TECRL: variants seen among roughly 807,000 people sequenced by gnomAD.
TECRL encodes trans-2,3-enoyl-CoA reductase like.
Under a neutral mutation model 52.8 loss-of-function variants are expected in TECRL, and 63 were observed. The observed-to-expected ratio is 1.19, with a 90% CI of 0.97 to 1.47. The LOEUF (loss-of-function observed/expected upper bound fraction) is 1.47, where lower values mean the gene tolerates loss of function less well. Among genes scored for constraint, TECRL ranks in the 40% most tolerant of loss-of-function variants. The pLI, the probability that TECRL is intolerant of heterozygous loss-of-function variation, is 0.00. For missense variants in TECRL, 482 were observed against 429.6 expected (o/e 1.12, Z -1.08); for synonymous variants, 164 against 141.9 (o/e 1.16, Z -1.10).
At chr4:64,324,678 T>C (rs1371529202) in intron 3 of TECRL, among the ~76,000 whole-genome samples, 1 of 152,128 alleles carries the variant, frequency 6.6e-6, no homozygotes, top group Non-Finnish European at 1.5e-5. Context: ...GTCATGTTAA[T>C]GTATATGGTT....
At chr4:64,408,942 C>T (rs1724910917) in intron 1 of TECRL, among the ~76,000 whole-genome samples, 176 bp downstream of exon 1, 1 of 152,044 alleles carries the variant, frequency 6.6e-6, no homozygotes, top group Non-Finnish European at 1.5e-5. Context: ...ATGCATTGAA[C>T]ATCTTCTATT....
intron 1 of TECRL, among the ~76,000 whole-genome samples, chr4:64,407,410 CTG>C (rs1012099907): frequency 3.3e-5 from 5 of 151,634 alleles, no homozygotes; most frequent in Non-Finnish European, 7.4e-5. Context: ...ATAAAAATCC[CTG>C]TCTTACCTTC....
chr4:64,406,920 T>G (rs1664948990), intron 1 of TECRL, among the ~76,000 whole-genome samples: 1 of 151,966 alleles, frequency 6.6e-6, no homozygotes, highest in Non-Finnish European at 1.5e-5. Flanking sequence ...AGTTGTTAAT[T>G]TGTCTAAGAA....
At chr4:64,344,163 A>G (rs1719782886) in intron 2 of TECRL, among the ~76,000 whole-genome samples, 1 of 151,872 alleles carries the variant, frequency 6.6e-6, no homozygotes, top group African/African-American at 2.4e-5. Context: ...ACTCATATAT[A>G]TATATACTCA....
At chr4:64,406,462 A>G (rs1211765744) in intron 1 of TECRL, among the ~76,000 whole-genome samples, 1 of 151,902 alleles carries the variant, frequency 6.6e-6, no homozygotes, top group Non-Finnish European at 1.5e-5. Flanking sequence ...GCAAGTTATC[A>G]AAAGGCTCAG....
chr4:64,405,243 C>A (rs2109792759), intron 1 of TECRL, among the ~76,000 whole-genome samples: 1 of 152,132 alleles, frequency 6.6e-6, no homozygotes, highest in Non-Finnish European at 1.5e-5. Flanking sequence ...TTTTGAGGAG[C>A]AAATGATATT....
intron 1 of TECRL, among the ~76,000 whole-genome samples, chr4:64,395,017 A>T (rs1723832910): frequency 6.8e-6 from 1 of 146,556 alleles, no homozygotes. Context: ...GGTTCAAATG[A>T]TTCTTCTGCC....
intron 2 of TECRL, among the ~76,000 whole-genome samples, chr4:64,345,106 G>T (rs982275378): frequency 6.6e-6 from 1 of 152,196 alleles, no homozygotes; most frequent in African/African-American, 2.4e-5. Context: ...TACACTGTTG[G>T]TGGGACTGTA....
chr4:64,354,425 ATC>A (rs1720616642), intron 2 of TECRL, among the ~76,000 whole-genome samples: 1 of 152,170 alleles, frequency 6.6e-6, no homozygotes, highest in African/African-American at 2.4e-5. Flanking sequence ...TAGGAGACAA[ATC>A]TCTCTTTTAC....
intron 9 of TECRL, among the ~76,000 whole-genome samples, chr4:64,284,688 C>G (rs1231770617): frequency 6.6e-6 from 1 of 151,982 alleles, no homozygotes; most frequent in African/African-American, 2.4e-5. Context: ...GAGGCTTGAC[C>G]CACAGAAAGT....
chr4:64,311,909 A>G (rs1269869708), intron 5 of TECRL, among the ~76,000 whole-genome samples: 1 of 152,162 alleles, frequency 6.6e-6, no homozygotes. Flanking sequence ...CACAGCACAG[A>G]AAAGCACAGC....
intron 2 of TECRL, among the ~76,000 whole-genome samples, chr4:64,373,185 G>A (rs1722105352): frequency 6.6e-6 from 1 of 151,492 alleles, no homozygotes; most frequent in South Asian, 2.1e-4. Flanking sequence ...TGATATATGG[G>A]AAAATGCTGA....
rs78574916 is a variant in TECRL at position 64,355,340 on chromosome 4, G to T, written c.286+19832C>A. 4.1e-3 allele frequency among the ~76,000 whole-genome samples: 617 copies of T among 151,774 alleles called. 2 individuals carry two copies. The highest frequency in any genetic ancestry group is 6.9e-3 in the Non-Finnish European group (467 of 67,950). ...TGTACATTTCACCCTAAAAACATTCGGTCAACATGAAGATGTTGCTATGGA... is the reference window on the plus strand; with the variant it reads ...TGTACATTTCACCCTAAAAACATTCTGTCAACATGAAGATGTTGCTATGGA... On this transcript the variant is annotated intron_variant, in intron 2 of 11. Coordinates refer to ENST00000381210, the MANE Select transcript of TECRL (RefSeq NM_001010874.5).
At chr4:64,353,801 T>TA (rs67050982) in intron 2 of TECRL, among the ~76,000 whole-genome samples, 85 of 151,552 alleles carry the variant, frequency 5.6e-4, no homozygotes, top group African/African-American at 2.0e-3. Context: ...ACACCAGAAA[T>TA]AAAAAAAAGT....
chr4:64,395,204 G>A (rs987424468), intron 1 of TECRL, among the ~76,000 whole-genome samples: 5 of 152,014 alleles, frequency 3.3e-5, no homozygotes, highest in Non-Finnish European at 5.9e-5. Context: ...ACAGACGTAA[G>A]CCACCGCTCC....
chr4:64,307,783 G>A, intron 6 of TECRL, among the ~76,000 whole-genome samples: 1 of 152,162 alleles, frequency 6.6e-6, no homozygotes, highest in Non-Finnish European at 1.5e-5. Context: ...TCTGACCACT[G>A]CTGAGAAACA....
At chr4:64,393,571 A>C (rs1276756954) in intron 1 of TECRL, among the ~76,000 whole-genome samples, 2 of 152,174 alleles carry the variant, frequency 1.3e-5, no homozygotes, top group African/African-American at 4.8e-5. Flanking sequence ...TGAAAACAAT[A>C]TGAGGATATT....
intron 2 of TECRL, among the ~76,000 whole-genome samples, chr4:64,331,333 T>G (rs1019881329): frequency 1.3e-5 from 2 of 152,134 alleles, no homozygotes; most frequent in African/African-American, 2.4e-5. Flanking sequence ...GAAACTTTAG[T>G]TGTGTTCCAC....
At position 64,347,602 on chromosome 4, in the gene TECRL, C is replaced by T. The variant is rs570879260; in HGVS notation, c.287-19046G>A. 1.4e-4 allele frequency among the ~76,000 whole-genome samples: 22 copies of T among 152,250 alleles called. No individual in the cohort carries two copies. In the South Asian group the frequency reaches 4.6e-3, roughly 32 times the overall value. Reference sequence around the variant, plus strand: ...AAGGCAAAGGGGAAGCAGGCACCTTCTTCACAAGGTTGCAGGAGAGAGAAA... The same window carrying T: ...AAGGCAAAGGGGAAGCAGGCACCTTTTTCACAAGGTTGCAGGAGAGAGAAA... On this transcript the variant is annotated intron_variant, in intron 2 of 11. Coordinates refer to ENST00000381210, the MANE Select transcript of TECRL (RefSeq NM_001010874.5).
Sources: allele counts gnomAD v4.1 joint callset (sites outside exome capture counted in the v4.1 genomes callset), GRCh38; gene constraint gnomAD v4.1.1; transcripts MANE v1.5; gene names NCBI Gene and HGNC (gene_info 2026-07-23, HGNC 2026-07-21).